Variants in PDIA5 observed in about 807,000 individuals in gnomAD.
PDIA5 encodes the protein protein disulfide isomerase family A member 5.
A neutral mutation model predicts 77.6 loss-of-function variants in PDIA5; 58 were observed. The observed-to-expected ratio is 0.75, with a 90% CI of 0.61 to 0.93. PDIA5 has a LOEUF of 0.93. Ranked by LOEUF, PDIA5 falls within the 40% of genes least tolerant of loss-of-function variation. PDIA5 has a pLI of 0.00. For synonymous variants in PDIA5, 250 were observed against 252.1 expected (o/e 0.99, Z 0.08); for missense variants, 630 against 647.7 (o/e 0.97, Z 0.30).
Position 123,161,370 on chromosome 3 carries a change from G to A in PDIA5, c.1394G>A (p.Cys465Tyr), listed in dbSNP as rs772340133. 6 of 1,614,076 alleles carry A rather than the reference G, an allele frequency of 3.7e-6. No homozygotes were observed. Among genetic ancestry groups the A allele is most frequent in the African/African-American group, 1.3e-5 (1 of 74,936 alleles). ...GTCAAAGACAAGAACCAAGACCTGT[G>A]CCAGCAGGAGGCGGTCAAGGGCTAC... The part of the protein sequence containing the change: ...DCVKDKNQDL[C>Y]QQEAVKGYPT... The change falls in exon 16 of 17, where the codon TGC becomes TAC. Residue 465 changes from cysteine (C) to tyrosine (Y), a missense_variant. Cys to Tyr is a radical substitution (Grantham distance 194). Transcript: ENST00000316218.
chr3:123,117,386 AT>A lies in PDIA5; in HGVS notation c.609+1089del, dbSNP rs1258307109. Among the ~76,000 whole-genome samples the A allele has an allele frequency of 7.5e-5, 10 of 134,162 alleles. 1 individual carries two copies. Among genetic ancestry groups the A allele is most frequent in the African/African-American group, 2.8e-4 (10 of 35,630 alleles). 88.0% of individuals were successfully genotyped at this position (134,162 alleles called of 152,430 possible). On this transcript the variant is annotated intron_variant, in intron 8 of 16. Transcript: ENST00000316218. ...TGTTTCTATGATTTTATATATATAT[AT>A]ATATATATATATTCTGTTTTAGAGA...
intron 1 of PDIA5, among the ~76,000 whole-genome samples, chr3:123,078,398 C>CT (rs1172587714): frequency 6.6e-5 from 10 of 152,082 alleles, no homozygotes; most frequent in Non-Finnish European, 1.3e-4. Context: ...AAGCCTCTTT[C>CT]TTTCCTTTTT....
intron 8 of PDIA5, among the ~76,000 whole-genome samples, chr3:123,123,703 C>A (rs764636916): frequency 5.9e-5 from 9 of 152,208 alleles, no homozygotes; most frequent in Admixed American, 1.3e-4. Flanking sequence ...GAGAAATAGG[C>A]GTAACACATC....
At chr3:123,156,996 C>A (rs1212604130) in intron 15 of PDIA5, among the ~76,000 whole-genome samples, 2 of 152,200 alleles carry the variant, frequency 1.3e-5, no homozygotes, top group Non-Finnish European at 2.9e-5. Context: ...GGGCCCATTT[C>A]CTTGATGCTC....
intron 1 of PDIA5, among the ~76,000 whole-genome samples, chr3:123,071,225 G>C (rs1299983602): frequency 6.7e-6 from 1 of 148,618 alleles, no homozygotes; most frequent in Non-Finnish European, 1.5e-5. Context: ...GCGAGGCTTA[G>C]GGAGGGAAGG....
chr3:123,155,083 AT>A (rs375299845), intron 15 of PDIA5, 42 bp downstream of exon 15: 2 of 1,300,266 alleles, frequency 1.5e-6, no homozygotes, highest in African/African-American at 2.9e-5. Flanking sequence ...CCTGCAGCTA[AT>A]TCCTACACCT....
intron 2 of PDIA5, 118 bp downstream of exon 2, chr3:123,089,412 G>A (rs1045190410): frequency 2.4e-5 from 23 of 951,918 alleles, no homozygotes; most frequent in Middle Eastern, 4.7e-4. Context: ...CAAGGGACAT[G>A]GGGTTTGTCA....
intron 1 of PDIA5, among the ~76,000 whole-genome samples, chr3:123,087,240 C>T (rs555778390): frequency 2.0e-5 from 3 of 152,200 alleles, no homozygotes; most frequent in African/African-American, 7.2e-5. Context: ...CCATGAACTC[C>T]TGGGCTCAAG....
chr3:123,129,631 G>A (rs1935327092), intron 10 of PDIA5, among the ~76,000 whole-genome samples: 1 of 152,240 alleles, frequency 6.6e-6, no homozygotes, highest in African/African-American at 2.4e-5. Flanking sequence ...CAGTAAAGCA[G>A]CAGGGAGACT....
intron 10 of PDIA5, among the ~76,000 whole-genome samples, chr3:123,128,414 CT>C (rs145595819): frequency 0.017 from 2,583 of 152,208 alleles, 73 homozygotes; most frequent in African/African-American, 0.057. Context: ...AAAATATAGC[CT>C]TCTCCATCCT....
At chr3:123,126,590 G>A (rs1377246261) in intron 10 of PDIA5, among the ~76,000 whole-genome samples, 1 of 152,208 alleles carries the variant, frequency 6.6e-6, no homozygotes, top group Non-Finnish European at 1.5e-5. Flanking sequence ...CTGCATGTGG[G>A]TTTTCCCGGT....
intron 11 of PDIA5, among the ~76,000 whole-genome samples, chr3:123,136,642 G>A (rs978910676): frequency 3.4e-5 from 5 of 147,924 alleles, no homozygotes; most frequent in Non-Finnish European, 7.4e-5. Flanking sequence ...GGGAGGCTGA[G>A]GCAAGAGAAT....
chr3:123,096,812 G>T (rs1256696905), intron 3 of PDIA5, among the ~76,000 whole-genome samples: 1 of 152,226 alleles, frequency 6.6e-6, no homozygotes, highest in Non-Finnish European at 1.5e-5. Flanking sequence ...GGTTGTGTGT[G>T]CGGGAGTTGG....
intron 6 of PDIA5, among the ~76,000 whole-genome samples, chr3:123,110,381 G>A (rs1198038999): frequency 2.0e-5 from 3 of 152,204 alleles, no homozygotes. Flanking sequence ...CTGGGGATAA[G>A]GATGGTGGTG....
At chr3:123,130,158 G>C (rs1336538692) in intron 10 of PDIA5, among the ~76,000 whole-genome samples, 1 of 152,232 alleles carries the variant, frequency 6.6e-6, no homozygotes, top group Non-Finnish European at 1.5e-5. Context: ...AATAGGTTGA[G>C]AAAGCTAACA....
rs149535128 is a variant in PDIA5 at position 123,079,844 on chromosome 3, CTTTT to C, written c.43-9317_43-9314del. On this transcript the variant is annotated intron_variant, in intron 1 of 16. Coordinates refer to ENST00000316218, the MANE Select transcript of PDIA5 (RefSeq NM_006810.4). ...AGATTCACTAATGGTGTTTCTCAAC[CTTTT>C]TTTTTTAAACTGTGACCCACCAATG... is the stretch of plus-strand genomic sequence containing the variant. Among the ~76,000 whole-genome samples the C allele has an allele frequency of 4.9e-4, 73 of 149,294 alleles. No individual in the cohort carries two copies. The East Asian group carries it at 0.011, about 23-fold the overall frequency.
At chr3:123,093,916 C>T (rs1934364276) in intron 3 of PDIA5, among the ~76,000 whole-genome samples, 1 of 152,208 alleles carries the variant, frequency 6.6e-6, no homozygotes, top group Non-Finnish European at 1.5e-5. Context: ...AGTGGGCCCC[C>T]AGAACTGCCT....
chr3:123,089,212 C>T lies in PDIA5; in HGVS notation c.87C>T (p.Leu29=), dbSNP rs1290937211. 6.2e-7 allele frequency: 1 copy of T among 1,613,876 alleles called. No homozygotes were observed. Among genetic ancestry groups the T allele is most frequent in the South Asian group, 1.1e-5 (1 of 91,070 alleles). ...SWLSSAKVSS[L]IERISDPKDL... is the part of the protein sequence containing the mutation. ...TGTCCTCTGCAAAGGTCTCCTCGCTCATTGAGAGAATCTCTGACCCCAAGG... is the reference window on the plus strand; with the variant it reads ...TGTCCTCTGCAAAGGTCTCCTCGCTTATTGAGAGAATCTCTGACCCCAAGG... Residue 29 remains leucine (L), a synonymous_variant, in exon 2 of 17, where the codon CTC becomes CTT. Coordinates refer to ENST00000316218, the MANE Select transcript of PDIA5 (RefSeq NM_006810.4).
intron 11 of PDIA5, among the ~76,000 whole-genome samples, chr3:123,131,310 C>T (rs994118090): frequency 6.6e-6 from 1 of 151,838 alleles, no homozygotes; most frequent in African/African-American, 2.4e-5. Context: ...ATCCCAGTTA[C>T]TTGGGAGGCT....
Sources: allele counts gnomAD v4.1 joint callset (sites outside exome capture counted in the v4.1 genomes callset), GRCh38; gene constraint gnomAD v4.1.1; transcripts MANE v1.5; gene names NCBI Gene and HGNC (gene_info 2026-07-23, HGNC 2026-07-21).